Variants in RHCE observed in about 807,000 individuals in gnomAD.
The protein encoded by RHCE is Rh blood group CcEe antigens.
A neutral mutation model predicts 43.8 loss-of-function variants in RHCE; 22 were observed. That is an observed-to-expected ratio of 0.50 (90% CI 0.36 to 0.72). The LOEUF (loss-of-function observed/expected upper bound fraction) is 0.72, where lower values mean the gene tolerates loss of function less well. Ranked by LOEUF, RHCE falls within the 30% of genes least tolerant of loss-of-function variation. RHCE has a pLI of 0.00. For synonymous variants in RHCE, 156 were observed against 210.7 expected, an observed-to-expected ratio of 0.74 and a Z score of 2.25; for missense variants, 385 against 525.4, an observed-to-expected ratio of 0.73 and a Z score of 2.61.
At chr1:25,417,990 G>A (rs1320347144) in intron 1 of RHCE, among the ~76,000 whole-genome samples, 1 of 152,122 alleles carries the variant, frequency 6.6e-6, no homozygotes, top group Non-Finnish European at 1.5e-5. Context: ...ATGCAGCCCA[G>A]TGAGTCTACC....
At position 25,406,997 on chromosome 1, in the gene RHCE, A is replaced by ACTCAGC. The variant is rs1384251111; in HGVS notation, c.335+1680_335+1685dup. Among the ~76,000 whole-genome samples, 82 of 120,034 alleles carry ACTCAGC rather than the reference A, an allele frequency of 6.8e-4. 6 individuals are homozygous for ACTCAGC. The highest frequency in any genetic ancestry group is 2.0e-3 in the African/African-American group (79 of 38,952). 78.7% of individuals were successfully genotyped at this position (120,034 alleles called of 152,430 possible). ...GAGTAAAGTGGCACGATCATGGCTC[A>ACTCAGC]CTCAGCCTCAGCCTCACTGGGTTCA... On this transcript the variant is annotated intron_variant, in intron 2 of 9. Transcript: ENST00000294413.
intron 5 of RHCE, 35 bp from the exon 6 acceptor site, chr1:25,389,148 G>C: frequency 6.2e-7 from 1 of 1,607,016 alleles, no homozygotes; most frequent in East Asian, 2.2e-5. Flanking sequence ...AAGGAAGCAA[G>C]GTAGAGAGAG....
At chr1:25,370,574 T>G (rs752820042) in intron 8 of RHCE, 34 bp from the exon 9 acceptor site, 5 of 1,545,316 alleles carry the variant, frequency 3.2e-6, no homozygotes, top group Non-Finnish European at 4.5e-6. Context: ...TTAAAAGATT[T>G]GGAGCACAGG....
chr1:25,420,504 T>A, intron 1 of RHCE, 135 bp downstream of exon 1: 13 of 1,565,604 alleles, frequency 8.3e-6, no homozygotes, highest in Non-Finnish European at 1.1e-5. Flanking sequence ...CGGTGCAATC[T>A]ACGGAAGAAG....
chr1:25,399,183 A>G (rs1646651989), intron 3 of RHCE: 9 of 1,020,426 alleles, frequency 8.8e-6, no homozygotes, highest in African/African-American at 1.5e-5. Flanking sequence ...AGCTGTTGCC[A>G]TGCTGTGGAA....
chr1:25,423,856 AT>A (rs1321003234), upstream of RHCE, among the ~76,000 whole-genome samples: 1 of 152,074 alleles, frequency 6.6e-6, no homozygotes, highest in Non-Finnish European at 1.5e-5. Flanking sequence ...GATGTTTGAA[AT>A]TTTTCATAAT....
chr1:25,424,801 A>G (rs987183062), upstream of RHCE, among the ~76,000 whole-genome samples: 10 of 151,900 alleles, frequency 6.6e-5, no homozygotes, highest in South Asian at 4.1e-4. Context: ...CATCTGACGA[A>G]GTCTATATTT....
intron 6 of RHCE, 82 bp from the exon 7 acceptor site, chr1:25,385,926 C>T (rs1052197665): frequency 5.2e-5 from 83 of 1,607,734 alleles, no homozygotes; most frequent in Middle Eastern, 1.7e-4. Flanking sequence ...CCTTGGTATC[C>T]GGCGCCACCA....
intron 3 of RHCE, among the ~76,000 whole-genome samples, chr1:25,397,737 C>T (rs1165957044): frequency 1.3e-5 from 2 of 150,670 alleles, no homozygotes; most frequent in Non-Finnish European, 3.0e-5. Context: ...GGCTCCTTGA[C>T]CGCTCGTCTC....
Position 25,402,798 on chromosome 1 carries a change from CTCAT to C in RHCE, c.336-56_336-53del, listed in dbSNP as rs58619737. Reference sequence around the variant, plus strand: ...GACTGAGAAGGAAGGATGCCTCTCACTCATTCATTCATTCATTCATTCATTCAAC... The same window carrying C: ...GACTGAGAAGGAAGGATGCCTCTCACTCATTCATTCATTCATTCATTCAAC... On this transcript the variant is annotated intron_variant, in intron 2 of 9. Transcript: ENST00000294413. 9.4e-3 allele frequency: 14,958 copies of C among 1,594,606 alleles called. 1,049 individuals carry two copies. The African/African-American group carries it at 0.17, about 18-fold the overall frequency.
chr1:25,401,345 C>A (rs597677), intron 3 of RHCE, among the ~76,000 whole-genome samples: 32 of 152,206 alleles, frequency 2.1e-4, no homozygotes, highest in East Asian at 5.8e-4. Context: ...CTGGGATGCA[C>A]ACCCCAGCCT....
At chr1:25,376,960 T>G (rs1356688811) in intron 7 of RHCE, among the ~76,000 whole-genome samples, 6 of 151,810 alleles carry the variant, frequency 4.0e-5, no homozygotes, top group Non-Finnish European at 7.4e-5. Context: ...TAAAAAGAGT[T>G]GCCACCCTGC....
In RHCE at chr1:25,429,221, G is replaced by GTTTTT. The variant is rs386366538; in HGVS notation, c.-136-177_-136-173dup. Among the ~76,000 whole-genome samples the GTTTTT allele has an allele frequency of 1.8e-3, 207 of 112,336 alleles. 4 individuals carry two copies. The highest frequency in any genetic ancestry group is 5.5e-3 in the African/African-American group (155 of 28,384). 73.7% of individuals were successfully genotyped at this position (112,336 alleles called of 152,430 possible). On this transcript the variant is annotated intron_variant, in intron 1 of 11. Coordinates refer to the RHCE transcript ENST00000349320. Reference sequence around the variant, plus strand: ...CAAAATGGCATCTACTTCCTGGGAAGTTTTTTTTTTTTTTTTTTTTTTGAG... The same window carrying GTTTTT: ...CAAAATGGCATCTACTTCCTGGGAAGTTTTTTTTTTTTTTTTTTTTTTTTTTTGAG...
intron 3 of RHCE, among the ~76,000 whole-genome samples, chr1:25,400,868 C>A (rs1040228009): frequency 1.3e-5 from 2 of 152,126 alleles, no homozygotes; most frequent in African/African-American, 4.8e-5. Flanking sequence ...GACCCTCTCC[C>A]ACCCCACGTG....
chr1:25,410,311 T>C (rs145686226), intron 1 of RHCE, among the ~76,000 whole-genome samples: 6,519 of 152,296 alleles, frequency 0.043, 471 homozygotes, highest in African/African-American at 0.14. Flanking sequence ...CATGAATAAA[T>C]GACTGGAGAG....
rs1350944472 is a variant in RHCE at position 25,375,794 on chromosome 1, T to C, written c.1074-366A>G. Among the ~76,000 whole-genome samples, 673 of 134,474 alleles carry C rather than the reference T, an allele frequency of 5.0e-3. 27 individuals are homozygous for C. The highest frequency in any genetic ancestry group is 0.02 in the African/African-American group (593 of 29,212). The allele number at this position is 134,474 out of a possible 152,430, so 88.2% of individuals were successfully genotyped here. On this transcript the variant is annotated intron_variant, in intron 7 of 9. Coordinates refer to ENST00000294413, the MANE Select transcript of RHCE (RefSeq NM_020485.8). ...GCCTCCAGTTTTCTCTCTCTCTCTT[T>C]TTTTTTTTTTTTTTTCTGTTTTTGT...
chr1:25,402,627 G>T lies in RHCE; in HGVS notation c.455C>A (p.Thr152Asn), dbSNP rs35109888. ...GATATTACTGATGACCATCCTCAGG[G>T]TGCCTAAAGCTGTCACCTCCACCAG... is the stretch of plus-strand genomic sequence containing the variant. ...MVLVEVTALG[T>N]LRMVISNIFN... Residue 152 changes from threonine (T) to asparagine (N), a missense_variant, in exon 3 of 10, where the codon ACC becomes AAC. Coordinates refer to ENST00000294413, the MANE Select transcript of RHCE (RefSeq NM_020485.8). 4.3e-5 allele frequency: 70 copies of T among 1,613,756 alleles called. No individual in the cohort carries two copies. Among genetic ancestry groups the T allele is most frequent in the South Asian group, 2.9e-4 (26 of 91,056 alleles).
Position 25,420,513 on chromosome 1 carries a change from A to T in RHCE, c.148+126T>A, listed in dbSNP as rs1571932126. 8 of 1,587,594 alleles carry T rather than the reference A, an allele frequency of 5.0e-6. No individual in the cohort carries two copies. The East Asian group carries it at 1.8e-4, about 36-fold the overall frequency. On this transcript the variant is annotated intron_variant, in intron 1 of 9. Transcript: ENST00000294413. Reference sequence around the variant, plus strand: ...GAATTTCGGTGCAATCTACGGAAGAAGATGGGGGAATCTTTTCCTCGGGAT... The same window carrying T: ...GAATTTCGGTGCAATCTACGGAAGATGATGGGGGAATCTTTTCCTCGGGAT...
At chr1:25,408,036 C>T (rs1646967527) in intron 2 of RHCE, among the ~76,000 whole-genome samples, 1 of 123,414 alleles carries the variant, frequency 8.1e-6, no homozygotes, top group African/African-American at 2.5e-5. Context: ...GCCTGTAATC[C>T]CAGCACTTTG....
Sources: allele counts gnomAD v4.1 joint callset (sites outside exome capture counted in the v4.1 genomes callset), GRCh38; gene constraint gnomAD v4.1.1; transcripts MANE v1.5; gene names NCBI Gene and HGNC (gene_info 2026-07-23, HGNC 2026-07-21).